Variants in SDF4 observed in about 807,000 individuals in gnomAD.
SDF4 encodes the protein 45 kDa calcium-binding protein.
In SDF4, 22 loss-of-function variants were observed where a neutral mutation model predicts 34.2. The observed-to-expected ratio is 0.64, with a 90% confidence interval of 0.46 to 0.92. The LOEUF (loss-of-function observed/expected upper bound fraction) is 0.92, where lower values mean the gene tolerates loss of function less well. Among genes scored for constraint, SDF4 ranks in the 40% least tolerant of loss-of-function variants. SDF4 has a pLI of 0.00. For missense variants in SDF4, 447 were observed against 499.9 expected, an observed-to-expected ratio of 0.89 and a Z score of 1.01; for synonymous variants, 236 against 203.1, an observed-to-expected ratio of 1.16 and a Z score of -1.38.
Position 1,218,332 on chromosome 1 carries a change from C to G in SDF4, c.891+126G>C. On this transcript the variant is annotated intron_variant, in intron 6 of 6. Coordinates refer to ENST00000360001, the MANE Select transcript of SDF4 (RefSeq NM_016176.6). This position sits in a 1 kb window ranked among gnomAD's most constrained non-coding sequence, Gnocchi z 7.9. ...CACCGCTGAGCAAACGCCCCAGTGA[C>G]CAGCCCAGATGGAGTCTCAGGCCAG... 9.5e-7 allele frequency: 1 copy of G among 1,050,412 alleles called. No homozygotes were observed. The highest frequency in any genetic ancestry group is 1.4e-6 in the Non-Finnish European group (1 of 738,146). 65.1% of individuals were successfully genotyped at this position (1,050,412 alleles called of 1,614,324 possible). A position where few individuals can be genotyped will look rare whatever the true frequency, so the allele number is the denominator to read the frequency against.
chr1:1,221,017 G>A, intron 4 of SDF4: 1 of 347,798 alleles, frequency 2.9e-6, no homozygotes, highest in Non-Finnish European at 5.7e-6. Context: ...CATGCTGGGA[G>A]GCTGCGGCAG....
At position 1,231,945 on chromosome 1, in the gene SDF4, G is replaced by GCCGCCAACGGGCCCGGAT; in HGVS notation, c.-246_-229dup. The GCCGCCAACGGGCCCGGAT allele has an allele frequency of 6.6e-6, 1 of 152,296 alleles. No individual in the cohort carries two copies. The highest frequency in any genetic ancestry group is 2.1e-4 in the South Asian group (1 of 4,830). The allele number at this position is 152,296 out of a possible 1,614,324, so 9.4% of individuals were successfully genotyped here. A position where few individuals can be genotyped will look rare whatever the true frequency, so the allele number is the denominator to read the frequency against. On this transcript the variant is annotated 5_prime_UTR_variant, in exon 1 of 7. Coordinates refer to ENST00000360001, the MANE Select transcript of SDF4 (RefSeq NM_016176.6). The stretch of plus-strand genomic sequence containing the variant: ...AGGACCGGAGCGAAGCGTCAGTGAC[G>GCCGCCAACGGGCCCGGAT]CCGCCAACGGGCCCGGATCAGGCCA...
In SDF4 at chr1:1,220,959, A is replaced by G. The variant is rs1395151341; in HGVS notation, c.557-2032T>C. Reference sequence around the variant, plus strand: ...AAACCACTCTTTTGGAAAGGAAGTAATAACGTCCAATTTGGCCGGGCACTG... The same window carrying G: ...AAACCACTCTTTTGGAAAGGAAGTAGTAACGTCCAATTTGGCCGGGCACTG... On this transcript the variant is annotated intron_variant, in intron 4 of 6. Transcript: ENST00000360001. The G allele has an allele frequency of 1.1e-5, 4 of 365,270 alleles. No individual in the cohort carries two copies. In the East Asian group the frequency reaches 2.2e-4, roughly 21 times the overall value. The allele number at this position is 365,270 out of a possible 1,614,324, so 22.6% of individuals were successfully genotyped here.
chr1:1,226,586 C>A (rs75470707), intron 2 of SDF4, among the ~76,000 whole-genome samples: 5,165 of 152,188 alleles, frequency 0.034, 283 homozygotes, highest in African/African-American at 0.12. Flanking sequence ...GGGACGGGGC[C>A]CTACGCAGGA....
chr1:1,231,436 C>G lies in SDF4; in HGVS notation c.-175+456G>C, dbSNP rs543581622. On this transcript the variant is annotated intron_variant, in intron 1 of 6. Coordinates refer to ENST00000360001, the MANE Select transcript of SDF4 (RefSeq NM_016176.6). ...TAGATTCTAAAAGCTCAACAGGGTT[C>G]ATAACACCGCCTCTGAGCCAGACAT... 2.4e-3 allele frequency among the ~76,000 whole-genome samples: 373 copies of G among 152,378 alleles called. 2 individuals are homozygous for G. The highest frequency in any genetic ancestry group is 4.1e-3 in the Admixed American group (63 of 15,304).
intron 2 of SDF4, chr1:1,227,407 C>T (rs1419443498): frequency 6.8e-6 from 1 of 146,416 alleles, no homozygotes; most frequent in Non-Finnish European, 1.5e-5. Flanking sequence ...TGGCCAGGCC[C>T]GGCGGGAAGG....
At position 1,223,358 on chromosome 1, in the gene SDF4, C is replaced by A. The variant is rs1650092422; in HGVS notation, c.443-1G>T. On this transcript the variant is annotated splice_acceptor_variant, in intron 3 of 6. Coordinates refer to ENST00000360001, the MANE Select transcript of SDF4 (RefSeq NM_016176.6). LOFTEE classifies it high-confidence loss of function. ...TTATACTCGTCCCAAGACACGTGAC[C>A]TGGAAGAGCAGATCACACCTGTCAG... 1 of 1,603,798 alleles carries A rather than the reference C, an allele frequency of 6.2e-7. No individual in the cohort carries two copies.
At chr1:1,231,339 A>AT (rs1638487028) in intron 1 of SDF4, among the ~76,000 whole-genome samples, 2 of 152,296 alleles carry the variant, frequency 1.3e-5, no homozygotes, top group African/African-American at 4.8e-5. Context: ...CAGAGACGCT[A>AT]TTTCTTTGCC....
chr1:1,217,389 G>T lies in SDF4; in HGVS notation c.*123C>A, dbSNP rs1357900332. On this transcript the variant is annotated 3_prime_UTR_variant, in exon 7 of 7. Coordinates refer to ENST00000360001, the MANE Select transcript of SDF4 (RefSeq NM_016176.6). The surrounding 1 kb of genome is among the most constrained non-coding windows in gnomAD (Gnocchi z 8.5). ...GCCGCTCATCAACTGGGGCAGCCGC[G>T]GTCGGTCGGCCGGTGGCGGGCGGCA... is the stretch of plus-strand genomic sequence containing the variant. 9 of 764,798 alleles carry T rather than the reference G, an allele frequency of 1.2e-5. No individual in the cohort carries two copies. The highest frequency in any genetic ancestry group is 4.0e-5 in the African/African-American group (2 of 50,236). 47.4% of individuals were successfully genotyped at this position (764,798 alleles called of 1,614,324 possible). A position where few individuals can be genotyped will look rare whatever the true frequency, so the allele number is the denominator to read the frequency against.
Position 1,219,031 on chromosome 1 carries a change from G to A in SDF4, c.557-104C>T, listed in dbSNP as rs776003056. ...CTGAACTCGAGGGACACAGCCACCCGCGAGACCGGGGCCCCACCCTCCAGG... is the reference window on the plus strand; with the variant it reads ...CTGAACTCGAGGGACACAGCCACCCACGAGACCGGGGCCCCACCCTCCAGG... On this transcript the variant is annotated intron_variant, in intron 4 of 6. Transcript: ENST00000360001. The A allele has an allele frequency of 1.5e-5, 24 of 1,605,426 alleles. No homozygotes were observed. The African/African-American group carries it at 1.6e-4, about 11-fold the overall frequency.
intron 1 of SDF4, among the ~76,000 whole-genome samples, chr1:1,231,006 G>A (rs769134163): frequency 6.6e-6 from 1 of 152,186 alleles, no homozygotes; most frequent in African/African-American, 2.4e-5. Context: ...GTTTACTTGA[G>A]GCAGGAGGAT....
intron 1 of SDF4, among the ~76,000 whole-genome samples, chr1:1,230,006 T>C (rs1638444014): frequency 6.6e-6 from 1 of 152,230 alleles, no homozygotes; most frequent in African/African-American, 2.4e-5. Context: ...TGTCCTGCCG[T>C]CCGAGGCGTG....
intron 4 of SDF4, chr1:1,219,629 G>C (rs904156074): frequency 8.1e-6 from 8 of 986,162 alleles, no homozygotes; most frequent in Non-Finnish European, 9.6e-6. Context: ...CTGGGTGTGT[G>C]GCCCCCGCTC....
rs1375767423 is a variant in SDF4 at position 1,217,336 on chromosome 1, G to A, written c.*176C>T. On this transcript the variant is annotated 3_prime_UTR_variant, in exon 7 of 7. Coordinates refer to ENST00000360001, the MANE Select transcript of SDF4 (RefSeq NM_016176.6). The surrounding 1 kb of genome is among the most constrained non-coding windows in gnomAD (Gnocchi z 8.5). ...CCGACCGCGTCACAGCCAAAGCCCC[G>A]CCGGGGTGCGCGCTGCAGAGGGGAC... 1.0e-5 allele frequency: 4 copies of A among 385,654 alleles called. No individual in the cohort carries two copies. The highest frequency in any genetic ancestry group is 6.8e-5 in the East Asian group (1 of 14,794). 23.9% of individuals were successfully genotyped at this position (385,654 alleles called of 1,614,324 possible). A position where few individuals can be genotyped will look rare whatever the true frequency, so the allele number is the denominator to read the frequency against.
chr1:1,223,388 T>C (rs537160572), intron 3 of SDF4, 31 bp from the exon 4 acceptor site: 1 of 1,451,774 alleles, frequency 6.9e-7, no homozygotes, highest in African/African-American at 1.4e-5. Flanking sequence ...TGTCAGGGCC[T>C]CTGATACTGA....
chr1:1,220,541 G>A (rs550542372), intron 4 of SDF4: 7 of 1,239,194 alleles, frequency 5.6e-6, no homozygotes, highest in South Asian at 2.7e-5. Context: ...AGAGGTCGGG[G>A]GGTCCTAGGC....
intron 4 of SDF4, among the ~76,000 whole-genome samples, chr1:1,222,246 G>A (rs566163006): frequency 1.2e-4 from 18 of 152,338 alleles, no homozygotes; most frequent in Admixed American, 5.9e-4. Flanking sequence ...TGGCAGCAAC[G>A]CCACGGTACC....
At chr1:1,220,611 A>G in intron 4 of SDF4, 1 of 1,289,052 alleles carries the variant, frequency 7.8e-7, no homozygotes, top group Non-Finnish European at 1.0e-6. Flanking sequence ...ACAGCACCTC[A>G]GCATGCATGG....
At chr1:1,227,894 AT>A (rs1326404116) in intron 2 of SDF4, among the ~76,000 whole-genome samples, 3 of 152,122 alleles carry the variant, frequency 2.0e-5, no homozygotes, top group Non-Finnish European at 4.4e-5. Flanking sequence ...ACGGCCAAGG[AT>A]GGGCCACTGA....
Sources: allele counts gnomAD v4.1 joint callset (sites outside exome capture counted in the v4.1 genomes callset), GRCh38; gene constraint gnomAD v4.1.1; non-coding constraint Gnocchi (gnomAD v3.1); transcripts MANE v1.5; gene names NCBI Gene and HGNC (gene_info 2026-07-23, HGNC 2026-07-21).